The following CNTNAP2 variants were observed in gnomAD, a reference collection of about 807,000 sequenced individuals.
The protein encoded by CNTNAP2 is contactin associated protein 2, also known as contactin-associated protein-like 2.
CNTNAP2 carries 98 observed loss-of-function variants against 155.2 expected under a neutral mutation model. The ratio of observed to expected loss-of-function variants is 0.63; its 90% CI spans 0.54 to 0.75. The LOEUF is 0.75. CNTNAP2 is among the 30% of genes least tolerant of loss of function. The probability of loss-of-function intolerance (pLI) is 0.00; values close to 1 mark genes in which losing one functional copy is unlikely to be tolerated. For missense variants in CNTNAP2, 1,727 were observed against 1,688.1 expected, an observed-to-expected ratio of 1.02 and a Z score of -0.40; for synonymous variants, 651 against 631.2, an observed-to-expected ratio of 1.03 and a Z score of -0.47.
At chr7:148,337,988 T>G (rs1347988892) in intron 21 of CNTNAP2, among the ~76,000 whole-genome samples, 2 of 152,204 alleles carry the variant, frequency 1.3e-5, no homozygotes, top group African/African-American at 2.4e-5. Flanking sequence ...TAAGTAGAGT[T>G]ATGAGTTTTG....
chr7:147,001,904 A>G (rs1798431108), intron 3 of CNTNAP2, among the ~76,000 whole-genome samples: 1 of 152,040 alleles, frequency 6.6e-6, no homozygotes, highest in East Asian at 1.9e-4. Context: ...CAAATAATTT[A>G]TTTAAAAATG....
chr7:148,250,316 T>C (rs534549725), intron 20 of CNTNAP2, among the ~76,000 whole-genome samples: 2 of 152,310 alleles, frequency 1.3e-5, no homozygotes, highest in African/African-American at 4.8e-5. Flanking sequence ...TTCGAATTTA[T>C]CCCCTCCTAC....
rs147609503 is a variant in CNTNAP2, at chr7:146,670,656, C to A, written c.98-103615C>A. Among the ~76,000 whole-genome samples, 387 of 152,226 alleles carry A rather than the reference C, an allele frequency of 2.5e-3. 1 individual carries two copies. Among genetic ancestry groups the A allele is most frequent in the African/African-American group, 8.8e-3 (367 of 41,550 alleles). ...AGTATATTCTCACGTCTCAACTTAA[C>A]AGGATATTCCACATGTCTATGTTGA... On this transcript the variant is annotated intron_variant, in intron 1 of 23. Coordinates refer to ENST00000361727, the MANE Select transcript of CNTNAP2 (RefSeq NM_014141.6).
chr7:146,965,224 G>A (rs1237738859), intron 3 of CNTNAP2, among the ~76,000 whole-genome samples: 3 of 152,088 alleles, frequency 2.0e-5, no homozygotes, highest in Admixed American at 1.3e-4. Context: ...CCTGATGGAT[G>A]GAGACTGCCC....
chr7:147,711,087 A>G (rs1270704977), intron 13 of CNTNAP2, among the ~76,000 whole-genome samples: 2 of 152,142 alleles, frequency 1.3e-5, no homozygotes, highest in Non-Finnish European at 2.9e-5. Context: ...TCAGGAATAC[A>G]CCTACTTTGA....
intron 9 of CNTNAP2, among the ~76,000 whole-genome samples, chr7:147,360,858 T>C (rs1302393813): frequency 1.3e-5 from 2 of 152,056 alleles, no homozygotes; most frequent in Non-Finnish European, 2.9e-5. Flanking sequence ...CAAAATTATA[T>C]GAAAAGGTAT....
chr7:146,623,961 C>A (rs117627495), intron 1 of CNTNAP2, among the ~76,000 whole-genome samples: 1 of 151,964 alleles, frequency 6.6e-6, no homozygotes, highest in African/African-American at 2.4e-5. Flanking sequence ...CTAGTAGTTC[C>A]GTAGTGCCAC....
intron 13 of CNTNAP2, among the ~76,000 whole-genome samples, chr7:147,759,198 T>C (rs377041316): frequency 4.6e-5 from 7 of 152,288 alleles, no homozygotes; most frequent in Admixed American, 1.3e-4. Context: ...CTGATAGACA[T>C]AAAATTATTT....
At chr7:147,392,452 C>A (rs1796735920) in intron 9 of CNTNAP2, among the ~76,000 whole-genome samples, 2 of 151,838 alleles carry the variant, frequency 1.3e-5, no homozygotes, top group South Asian at 2.1e-4. Flanking sequence ...TTTTGGTGCA[C>A]CCATCACCTT....
intron 1 of CNTNAP2, among the ~76,000 whole-genome samples, chr7:146,730,901 T>C (rs112868233): frequency 0.01 from 1,576 of 152,324 alleles, 24 homozygotes; most frequent in African/African-American, 0.036. Context: ...TTTTATTTTA[T>C]ATGAATGCAA....
In CNTNAP2 at chr7:147,575,574, A is replaced by T. The variant is rs549341137; in HGVS notation, c.1897+13317A>T. Among the ~76,000 whole-genome samples, 4 of 151,202 alleles carry T rather than the reference A, an allele frequency of 2.6e-5. No individual in the cohort carries two copies. The South Asian group carries it at 8.3e-4, about 31-fold the overall frequency. Reference sequence around the variant, plus strand: ...ATTCCCTAGCTTTAGGGGATTTAGAAGGCATATAAGTTAATTGTCAGTGTG... The same window carrying T: ...ATTCCCTAGCTTTAGGGGATTTAGATGGCATATAAGTTAATTGTCAGTGTG... On this transcript the variant is annotated intron_variant, in intron 12 of 23. Coordinates refer to ENST00000361727, the MANE Select transcript of CNTNAP2 (RefSeq NM_014141.6).
At chr7:146,676,924 A>G (rs1800408122) in intron 1 of CNTNAP2, among the ~76,000 whole-genome samples, 1 of 152,194 alleles carries the variant, frequency 6.6e-6, no homozygotes, top group African/African-American at 2.4e-5. Context: ...GGTGGGTCAC[A>G]GCCAAACCAT....
At chr7:147,981,215 G>A (rs907900644) in intron 15 of CNTNAP2, among the ~76,000 whole-genome samples, 3 of 152,232 alleles carry the variant, frequency 2.0e-5, no homozygotes, top group African/African-American at 7.2e-5. Flanking sequence ...AGCTGTGTCT[G>A]TACAAGGTCA....
At chr7:147,086,970 T>C (rs949658680) in intron 4 of CNTNAP2, among the ~76,000 whole-genome samples, 1 of 152,192 alleles carries the variant, frequency 6.6e-6, no homozygotes, top group Non-Finnish European at 1.5e-5. Flanking sequence ...TGCTTGCCTC[T>C]ATTGTGCTTA....
chr7:148,190,494 T>C (rs998505130), intron 18 of CNTNAP2: 8 of 152,234 alleles, frequency 5.3e-5, no homozygotes, highest in Non-Finnish European at 1.2e-4. Context: ...ATTATCTTTG[T>C]TTTTGCTAAA....
intron 1 of CNTNAP2, among the ~76,000 whole-genome samples, chr7:146,754,218 C>A (rs1801953527): frequency 6.6e-6 from 1 of 151,882 alleles, no homozygotes; most frequent in Non-Finnish European, 1.5e-5. Flanking sequence ...GCTATTTCTT[C>A]CAGAGACATT....
intron 1 of CNTNAP2, among the ~76,000 whole-genome samples, chr7:146,738,327 A>G (rs1427719472): frequency 1.3e-5 from 2 of 151,916 alleles, no homozygotes; most frequent in Non-Finnish European, 2.9e-5. Context: ...AGAAATGCCT[A>G]TTCAGATATT....
chr7:147,828,176 T>A (rs1367189638), intron 13 of CNTNAP2, among the ~76,000 whole-genome samples: 8 of 152,150 alleles, frequency 5.3e-5, no homozygotes, highest in Non-Finnish European at 1.5e-5. Flanking sequence ...AGGTACAAAT[T>A]CATTCTAGAG....
chr7:146,976,056 A>G (rs1220063137), intron 3 of CNTNAP2, among the ~76,000 whole-genome samples: 1 of 152,184 alleles, frequency 6.6e-6, no homozygotes, highest in Non-Finnish European at 1.5e-5. Context: ...ATAAAATCTG[A>G]AAACAGGAGC....
Sources: allele counts gnomAD v4.1 joint callset (sites outside exome capture counted in the v4.1 genomes callset), GRCh38; gene constraint gnomAD v4.1.1; transcripts MANE v1.5; gene names NCBI Gene and HGNC (gene_info 2026-07-23, HGNC 2026-07-21).